ATP8A1: variants seen among roughly 807,000 people sequenced by gnomAD.
ATP8A1 encodes phospholipid-transporting ATPase IA.
A neutral mutation model predicts 177.7 loss-of-function variants in ATP8A1; 90 were observed. The observed-to-expected ratio is 0.51, with a 90% CI of 0.43 to 0.60. ATP8A1 has a LOEUF of 0.60. Among genes scored for constraint, ATP8A1 ranks in the 20% least tolerant of loss-of-function variants. ATP8A1 has a pLI of 0.00. For missense variants in ATP8A1, 1,072 were observed against 1,392.8 expected (o/e 0.77, Z 3.67); for synonymous variants, 493 against 485.9 (o/e 1.01, Z -0.19).
chr4:42,503,360 G>T (rs1222907392), intron 24 of ATP8A1, 90 bp downstream of exon 24: 1 of 765,330 alleles, frequency 1.3e-6, no homozygotes, highest in East Asian at 2.8e-5. Context: ...ACCACAGAAA[G>T]ATAAAATATT....
chr4:42,653,351 G>A (rs1741304358), intron 1 of ATP8A1, among the ~76,000 whole-genome samples: 1 of 139,430 alleles, frequency 7.2e-6, no homozygotes, highest in African/African-American at 2.7e-5. Flanking sequence ...TTTGTCTCCT[G>A]CCTCACTAGA....
intron 17 of ATP8A1, among the ~76,000 whole-genome samples, chr4:42,552,014 A>G (rs1340441390): frequency 6.6e-6 from 1 of 152,222 alleles, no homozygotes; most frequent in East Asian, 1.9e-4. Context: ...ATAATATTTT[A>G]TGGAATCCCT....
At chr4:42,415,627 A>G (rs906483821) in intron 35 of ATP8A1, among the ~76,000 whole-genome samples, 17 of 152,208 alleles carry the variant, frequency 1.1e-4, no homozygotes, top group African/African-American at 4.1e-4. Flanking sequence ...TAGGCATGAG[A>G]AACAAATAAG....
intron 8 of ATP8A1, among the ~76,000 whole-genome samples, chr4:42,587,439 C>A (rs551481374): frequency 6.6e-6 from 1 of 151,444 alleles, no homozygotes; most frequent in South Asian, 2.1e-4. Flanking sequence ...TCCTGAGTAG[C>A]TGGGATTACA....
chr4:42,577,569 A>G (rs1399714289), intron 12 of ATP8A1, among the ~76,000 whole-genome samples: 5 of 152,188 alleles, frequency 3.3e-5, no homozygotes, highest in Non-Finnish European at 7.4e-5. Context: ...ATTTTCTGGC[A>G]GATTAGGCCC....
intron 1 of ATP8A1, among the ~76,000 whole-genome samples, chr4:42,639,160 A>G (rs895767455): frequency 1.3e-5 from 2 of 152,132 alleles, no homozygotes; most frequent in Non-Finnish European, 2.9e-5. Context: ...GGAGGGTTGA[A>G]GGAGTTGTAT....
chr4:42,446,197 G>A (rs775423854), intron 31 of ATP8A1, among the ~76,000 whole-genome samples: 20 of 151,528 alleles, frequency 1.3e-4, no homozygotes, highest in Admixed American at 3.9e-4. Flanking sequence ...CATACGCTCT[G>A]ATCTATTTCT....
chr4:42,587,767 C>T (rs947519204), intron 8 of ATP8A1, among the ~76,000 whole-genome samples: 25 of 151,992 alleles, frequency 1.6e-4, no homozygotes, highest in East Asian at 3.9e-4. Context: ...CCACCATGCC[C>T]GGCTAATTTT....
At chr4:42,528,004 G>T (rs10019145) in intron 20 of ATP8A1, among the ~76,000 whole-genome samples, 322 of 152,028 alleles carry the variant, frequency 2.1e-3, no homozygotes, top group African/African-American at 7.1e-3. Flanking sequence ...CAGACATTTT[G>T]GGGACTACTG....
chr4:42,561,967 T>C (rs1205901917), intron 15 of ATP8A1: 3 of 152,184 alleles, frequency 2.0e-5, no homozygotes, highest in Non-Finnish European at 2.9e-5. Flanking sequence ...TAATGGTGGG[T>C]ATCGTGACAA....
At chr4:42,636,154 A>ACACACGCGCGTGCGCGCG (rs1739344458) in intron 1 of ATP8A1, among the ~76,000 whole-genome samples, 1 of 47,540 alleles carries the variant, frequency 2.1e-5, no homozygotes, top group Non-Finnish European at 7.2e-5. Context: ...ACACACACAC[A>ACACACGCGCGTGCGCGCG]CACGCACACA....
chr4:42,455,008 G>C (rs1259723728), intron 29 of ATP8A1, among the ~76,000 whole-genome samples: 1 of 152,082 alleles, frequency 6.6e-6, no homozygotes, highest in Non-Finnish European at 1.5e-5. Flanking sequence ...AGAACCAAAA[G>C]GACAATGATT....
chr4:42,470,014 A>T (rs1035840995), intron 25 of ATP8A1, among the ~76,000 whole-genome samples: 2 of 152,230 alleles, frequency 1.3e-5, no homozygotes, highest in Admixed American at 1.3e-4. Flanking sequence ...CTTCCCTGAG[A>T]TTGTTTTATT....
intron 22 of ATP8A1, among the ~76,000 whole-genome samples, chr4:42,520,545 G>A (rs755778902): frequency 1.3e-5 from 2 of 152,128 alleles, no homozygotes; most frequent in African/African-American, 2.4e-5. Context: ...GAAATGGAGA[G>A]CGAGAAGGTG....
chr4:42,614,635 A>G (rs1404763637), intron 5 of ATP8A1, among the ~76,000 whole-genome samples: 3 of 152,156 alleles, frequency 2.0e-5, no homozygotes, highest in Non-Finnish European at 1.5e-5. Flanking sequence ...CAGCGACTCA[A>G]TATCCACAAG....
chr4:42,623,319 C>T (rs28759489), intron 4 of ATP8A1, among the ~76,000 whole-genome samples: 34,286 of 152,128 alleles, frequency 0.23, 4,340 homozygotes, highest in Non-Finnish European at 0.29. Context: ...ACAAATACCA[C>T]TTGACCCAGC....
rs1271847412 is a variant in ATP8A1 at position 42,412,197 on chromosome 4, A to C, written c.*719T>G. 1.3e-5 allele frequency: 2 copies of C among 152,218 alleles called. No homozygotes were observed. Among genetic ancestry groups the C allele is most frequent in the Non-Finnish European group, 1.5e-5 (1 of 68,034 alleles). 9.4% of individuals were successfully genotyped at this position (152,218 alleles called of 1,614,324 possible). A position where few individuals can be genotyped will look rare whatever the true frequency, so the allele number is the denominator to read the frequency against. On this transcript the variant is annotated 3_prime_UTR_variant, in exon 37 of 37. Coordinates refer to ENST00000381668, the MANE Select transcript of ATP8A1 (RefSeq NM_006095.2). The stretch of plus-strand genomic sequence containing the variant: ...TAAACACGACAAACAACAAAGAAGC[A>C]TTTGTAAGGCCAAAGGTGCAACATC...
Position 42,548,994 on chromosome 4 carries a change from C to T in ATP8A1, c.1652+19G>A. 6.3e-7 allele frequency: 1 copy of T among 1,588,152 alleles called. No individual in the cohort carries two copies. Among genetic ancestry groups the T allele is most frequent in the South Asian group, 1.1e-5 (1 of 87,764 alleles). Reference sequence around the variant, plus strand: ...ATAAATTTATCTTATCCATACAAATCACTGAGCAGATGTTTTACCTGGTAA... The same window carrying T: ...ATAAATTTATCTTATCCATACAAATTACTGAGCAGATGTTTTACCTGGTAA... On this transcript the variant is annotated intron_variant, in intron 19 of 36. Transcript: ENST00000381668.
intron 27 of ATP8A1, among the ~76,000 whole-genome samples, chr4:42,457,454 T>A (rs1443819300): frequency 1.3e-5 from 2 of 152,234 alleles, no homozygotes; most frequent in Non-Finnish European, 2.9e-5. Flanking sequence ...GATGGAAATA[T>A]AAGGAATTTC....
Sources: allele counts gnomAD v4.1 joint callset (sites outside exome capture counted in the v4.1 genomes callset), GRCh38; gene constraint gnomAD v4.1.1; transcripts MANE v1.5; gene names NCBI Gene and HGNC (gene_info 2026-07-23, HGNC 2026-07-21).